Variants in LUZP1 observed in about 807,000 individuals in gnomAD.
LUZP1 encodes leucine zipper protein 1.
In LUZP1, 25 loss-of-function variants were observed where a neutral mutation model predicts 71.3. That is an observed-to-expected ratio of 0.35 (90% CI 0.26 to 0.49). The LOEUF (loss-of-function observed/expected upper bound fraction) is 0.49, where lower values mean the gene tolerates loss of function less well. Among genes scored for constraint, LUZP1 ranks in the 20% least tolerant of loss-of-function variants. The probability of loss-of-function intolerance (pLI) is 0.99; values close to 1 mark genes in which losing one functional copy is unlikely to be tolerated. For missense variants in LUZP1, 1,142 were observed against 1,300.8 expected, an observed-to-expected ratio of 0.88 and a Z score of 1.88; for synonymous variants, 481 against 506.4, an observed-to-expected ratio of 0.95 and a Z score of 0.67.
At chr1:23,158,276 T>G (rs911237603) in intron 2 of LUZP1, among the ~76,000 whole-genome samples, 6 of 152,228 alleles carry the variant, frequency 3.9e-5, no homozygotes, top group Non-Finnish European at 5.9e-5. Context: ...TATACTCGGT[T>G]CACCTTGGTT....
At chr1:23,117,512 GGGGGGGC>G (rs1360952256) in intron 2 of LUZP1, among the ~76,000 whole-genome samples, 2,221 of 72,100 alleles carry the variant, frequency 0.031, 108 homozygotes, top group South Asian at 0.094. Flanking sequence ...AGCCCTGGGG[GGGGGGGC>G]GGGGGGGGGG....
chr1:23,115,405 AT>A, intron 2 of LUZP1, among the ~76,000 whole-genome samples: 1 of 152,252 alleles, frequency 6.6e-6, no homozygotes, highest in East Asian at 1.9e-4. Context: ...AAAGAAGAGT[AT>A]AAACAAGATC....
chr1:23,107,156 C>A (rs115610283), intron 3 of LUZP1, among the ~76,000 whole-genome samples: 103 of 152,290 alleles, frequency 6.8e-4, no homozygotes, highest in African/African-American at 2.4e-3. Context: ...CTCCTCACTT[C>A]TTTTAGATCT....
intron 2 of LUZP1, among the ~76,000 whole-genome samples, chr1:23,135,167 T>C (rs1017014445): frequency 3.3e-5 from 5 of 152,192 alleles, no homozygotes; most frequent in African/African-American, 1.2e-4. Flanking sequence ...CTTTGGAAAC[T>C]TAAGGACTGG....
In LUZP1 at chr1:23,137,505, G is replaced by A. The variant is rs1196754853; in HGVS notation, c.-225-28378C>T. Among the ~76,000 whole-genome samples the A allele has an allele frequency of 2.6e-5, 4 of 152,238 alleles. No individual in the cohort carries two copies. The East Asian group carries it at 7.7e-4, about 29-fold the overall frequency. ...AAAATACAAAAATTAGCCGGGTGTG[G>A]TGGTAGGCACCTGTAATCTCTGCTA... On this transcript the variant is annotated intron_variant, in intron 2 of 4. Coordinates refer to ENST00000302291, the Ensembl canonical transcript of LUZP1.
At chr1:23,113,399 C>A (rs998571678) in intron 2 of LUZP1, among the ~76,000 whole-genome samples, 1 of 151,800 alleles carries the variant, frequency 6.6e-6, no homozygotes, top group Non-Finnish European at 1.5e-5. Flanking sequence ...TGAGTGAAAC[C>A]CTGTCTCAAA....
At chr1:23,089,100 AG>A (rs1643813943) in intron 4 of LUZP1, 47 bp from the exon 4 acceptor site, 2 of 1,590,600 alleles carry the variant, frequency 1.3e-6, no homozygotes, top group African/African-American at 2.7e-5. Context: ...CAGTAAAGTG[AG>A]GACCGAGACA....
chr1:23,091,915 GTTTCTGTTTCTCC>G lies in LUZP1; in HGVS notation c.2334_2346del (p.Leu778PhefsTer11). Reference sequence around the variant, plus strand: ...TTGTTTGGCCCTGGTTTGGAGACGGGTTTCTGTTTCTCCAACGTAGTCTCTGTTCCAGATCCTC... The same window carrying G: ...TTGTTTGGCCCTGGTTTGGAGACGGGAACGTAGTCTCTGTTCCAGATCCTC... On this transcript the variant is annotated frameshift_variant, in exon 4 of 5. Transcript: ENST00000302291. LOFTEE classifies it high-confidence loss of function. 3 of 1,614,178 alleles carry G rather than the reference GTTTCTGTTTCTCC, an allele frequency of 1.9e-6. No individual in the cohort carries two copies. The highest frequency in any genetic ancestry group is 1.7e-6 in the Non-Finnish European group (2 of 1,180,016).
intron 4 of LUZP1, chr1:23,090,694 C>A: frequency 1.6e-6 from 1 of 609,494 alleles, no homozygotes; most frequent in Non-Finnish European, 2.9e-6. Context: ...TAAGCCCCGG[C>A]TCTCCTCATC....
intron 2 of LUZP1, among the ~76,000 whole-genome samples, chr1:23,111,827 A>C (rs1160214973): frequency 6.8e-6 from 1 of 147,780 alleles, no homozygotes; most frequent in Non-Finnish European, 1.5e-5. Context: ...ACACACACTC[A>C]TCTTCTTCTG....
rs1486478171 is a variant in LUZP1, at chr1:23,117,486, C to A, written c.-225-8359G>T. 1.9e-4 allele frequency among the ~76,000 whole-genome samples: 8 copies of A among 41,036 alleles called. 1 individual carries two copies. The highest frequency in any genetic ancestry group is 3.0e-4 in the Non-Finnish European group (6 of 20,250). The allele number at this position is 41,036 out of a possible 152,430, so 26.9% of individuals were successfully genotyped here. On this transcript the variant is annotated intron_variant, in intron 2 of 4. Transcript: ENST00000302291. Reference sequence around the variant, plus strand: ...CTCTCTCTCTCTCTCTCCCCCCCCCCCCCCCACAATCAGGAAGCCCTGGGG... The same window carrying A: ...CTCTCTCTCTCTCTCTCCCCCCCCCACCCCCACAATCAGGAAGCCCTGGGG...
intron 2 of LUZP1, among the ~76,000 whole-genome samples, chr1:23,131,020 C>A (rs1412542610): frequency 6.6e-6 from 1 of 151,800 alleles, no homozygotes; most frequent in Non-Finnish European, 1.5e-5. Context: ...GAGTTTGAGG[C>A]CAGCCTGGGC....
chr1:23,084,171 G>T (rs1243211274), exon 5 of LUZP1: 1 of 152,220 alleles, frequency 6.6e-6, no homozygotes, highest in Non-Finnish European at 1.5e-5. Context: ...TGGTTTAACA[G>T]ATTGCCACAA....
chr1:23,141,679 T>C (rs889761945), intron 2 of LUZP1, among the ~76,000 whole-genome samples: 9 of 152,054 alleles, frequency 5.9e-5, no homozygotes, highest in African/African-American at 1.9e-4. Context: ...AAGTTTTTAC[T>C]CTAATTTTTG....
At chr1:23,083,656 T>TTA (rs1465290510), downstream of LUZP1, 49 of 240,936 alleles carry the variant, frequency 2.0e-4, no homozygotes, top group East Asian at 5.6e-4. Flanking sequence ...TGTTTTTTTT[T>TTA]TATATTTTGA....
chr1:23,162,901 C>T (rs1245322592), intron 2 of LUZP1: 1 of 151,974 alleles, frequency 6.6e-6, no homozygotes, highest in African/African-American at 2.4e-5. Flanking sequence ...CGGGTAGAAG[C>T]TTTCAGAGGA....
chr1:23,119,098 G>A (rs1186896194), intron 2 of LUZP1, among the ~76,000 whole-genome samples: 1 of 152,064 alleles, frequency 6.6e-6, no homozygotes, highest in African/African-American at 2.4e-5. Flanking sequence ...AGTATTAGTT[G>A]AATTGACTTG....
intron 2 of LUZP1, among the ~76,000 whole-genome samples, chr1:23,167,237 C>T (rs1462294491): frequency 6.6e-6 from 1 of 152,278 alleles, no homozygotes; most frequent in East Asian, 1.9e-4. Flanking sequence ...CCCTCCCTCC[C>T]TAATTTGAGG....
chr1:23,091,036 A>AC, intron 4 of LUZP1, 154 bp downstream of exon 3: 1 of 837,092 alleles, frequency 1.2e-6, no homozygotes, highest in South Asian at 1.5e-5. Flanking sequence ...GAAAGGTCAA[A>AC]CCCCCCTGAT....
Sources: gnomAD v4.1 joint callset for allele counts (sites outside exome capture counted in the v4.1 genomes callset) on GRCh38, gnomAD v4.1.1 for gene constraint, MANE v1.5 for transcripts, NCBI Gene and HGNC (gene_info 2026-07-23, HGNC 2026-07-21) for gene names.